HNF4G: variants seen among roughly 807,000 people sequenced by gnomAD.
HNF4G encodes the protein hepatocyte nuclear factor 4 gamma, also known as hepatocyte nuclear factor 4-gamma.
In HNF4G, 21 loss-of-function variants were observed where a neutral mutation model predicts 50.9. The ratio of observed to expected loss-of-function variants is 0.41; its 90% CI spans 0.29 to 0.59. The LOEUF is 0.59. HNF4G is among the 20% of genes least tolerant of loss of function. HNF4G has a pLI of 0.26. For missense variants in HNF4G, 527 were observed against 559.4 expected (o/e 0.94, Z 0.58); for synonymous variants, 198 against 185.6 (o/e 1.07, Z -0.54).
chr8:75,538,725 G>A (rs1806534211), upstream of HNF4G, among the ~76,000 whole-genome samples: 1 of 152,126 alleles, frequency 6.6e-6, no homozygotes, highest in African/African-American at 2.4e-5. Flanking sequence ...GAATATGAGG[G>A]CAAGAGGACT....
intron 1 of HNF4G, among the ~76,000 whole-genome samples, chr8:75,461,227 G>A (rs1310114513): frequency 6.6e-6 from 1 of 152,108 alleles, no homozygotes; most frequent in Non-Finnish European, 1.5e-5. Context: ...TAAAATCAAG[G>A]TGTCAACAGG....
chr8:75,479,659 A>AT (rs1812326903), intron 1 of HNF4G, among the ~76,000 whole-genome samples: 1 of 151,882 alleles, frequency 6.6e-6, no homozygotes, highest in African/African-American at 2.4e-5. Flanking sequence ...TTGAACAAAC[A>AT]TTTTTTAAAA....
chr8:75,564,180 C>T lies in HNF4G; in HGVS notation c.*84C>T, dbSNP rs984255510. The T allele has an allele frequency of 5.6e-6, 8 of 1,423,544 alleles. No homozygotes were observed. Among genetic ancestry groups the T allele is most frequent in the Non-Finnish European group, 7.8e-6 (8 of 1,032,118 alleles). The allele number at this position is 1,423,544 out of a possible 1,614,324, so 88.2% of individuals were successfully genotyped here. A position where few individuals can be genotyped will look rare whatever the true frequency, so the allele number is the denominator to read the frequency against. On this transcript the variant is annotated 3_prime_UTR_variant, in exon 10 of 10. Coordinates refer to ENST00000396423, the MANE Select transcript of HNF4G (RefSeq NM_004133.5). Reference sequence around the variant, plus strand: ...ATCTCAGGATAGCACTTTTGGCAAACTCTTAGCCAAGGCTTCTTCATTGGT... The same window carrying T: ...ATCTCAGGATAGCACTTTTGGCAAATTCTTAGCCAAGGCTTCTTCATTGGT...
upstream of HNF4G, among the ~76,000 whole-genome samples, chr8:75,538,267 C>T (rs1026378078): frequency 2.6e-5 from 4 of 152,158 alleles, no homozygotes; most frequent in Admixed American, 1.3e-4. Context: ...CCATCTGTAG[C>T]CCCTTTCACC....
intron 2 of HNF4G, among the ~76,000 whole-genome samples, chr8:75,492,516 T>C (rs1812655832): frequency 6.6e-6 from 1 of 152,210 alleles, no homozygotes; most frequent in South Asian, 2.1e-4. Flanking sequence ...ATTTCACATA[T>C]GTGTCCCATT....
chr8:75,441,218 T>C (rs1047929103), intron 1 of HNF4G, among the ~76,000 whole-genome samples: 4 of 152,088 alleles, frequency 2.6e-5, no homozygotes. Flanking sequence ...ATTTTTAATT[T>C]TTAATTTCTT....
chr8:75,538,933 A>C (rs1173137276), upstream of HNF4G, among the ~76,000 whole-genome samples: 2 of 152,244 alleles, frequency 1.3e-5, no homozygotes, highest in African/African-American at 4.8e-5. Context: ...TCTTTAACAA[A>C]TGTGGAAAAG....
Position 75,547,695 on chromosome 8 carries a change from TGATGA to T in HNF4G, c.382+15_382+19del. On this transcript the variant is annotated intron_variant, in intron 3 of 9. Transcript: ENST00000396423. ...TGAAAAAAGAAGGTAATAATAATGA[TGATGA>T]TAATTAACATTATTGATGAAAAGTG... 2 of 1,392,906 alleles carry T rather than the reference TGATGA, an allele frequency of 1.4e-6. No homozygotes were observed. The highest frequency in any genetic ancestry group is 2.0e-6 in the Non-Finnish European group (2 of 978,746). The allele number at this position is 1,392,906 out of a possible 1,614,324, so 86.3% of individuals were successfully genotyped here. A position where few individuals can be genotyped will look rare whatever the true frequency, so the allele number is the denominator to read the frequency against.
rs560608572 is a variant in HNF4G, at chr8:75,410,514, CT to C, written c.-144+2353del. Reference sequence around the variant, plus strand: ...TCTTATTCTGAGCTTGTAAAAGAATCTACCGCATTTGTTACTAACTATCCAT... The same window carrying C: ...TCTTATTCTGAGCTTGTAAAAGAATCACCGCATTTGTTACTAACTATCCAT... On this transcript the variant is annotated intron_variant, in intron 1 of 10. Coordinates refer to the HNF4G transcript ENST00000354370. Among the ~76,000 whole-genome samples the C allele has an allele frequency of 5.9e-5, 9 of 152,234 alleles. No individual in the cohort carries two copies. The East Asian group carries it at 1.7e-3, about 29-fold the overall frequency.
chr8:75,539,831 C>A (rs186489146), upstream of HNF4G: 13 of 585,568 alleles, frequency 2.2e-5, no homozygotes, highest in East Asian at 3.5e-4. Context: ...CAGCCCCTCC[C>A]ATTGCAGCTC....
At chr8:75,439,343 T>C (rs1323926503) in intron 1 of HNF4G, among the ~76,000 whole-genome samples, 1 of 152,066 alleles carries the variant, frequency 6.6e-6, no homozygotes. Context: ...ATGAATTTTT[T>C]ACATGTCTGC....
At chr8:75,433,919 T>A (rs1379514754) in intron 1 of HNF4G, among the ~76,000 whole-genome samples, 1 of 151,842 alleles carries the variant, frequency 6.6e-6, no homozygotes, top group Non-Finnish European at 1.5e-5. Context: ...TTAGCACAGT[T>A]AAGATAGGAT....
At chr8:75,543,351 G>A (rs1227493829) in intron 1 of HNF4G, among the ~76,000 whole-genome samples, 1 of 152,150 alleles carries the variant, frequency 6.6e-6, no homozygotes, top group African/African-American at 2.4e-5. Flanking sequence ...ACTGATACAG[G>A]GGAGACTGAA....
intron 2 of HNF4G, among the ~76,000 whole-genome samples, chr8:75,526,651 A>C (rs1462321790): frequency 1.3e-5 from 2 of 151,532 alleles, no homozygotes; most frequent in Non-Finnish European, 2.9e-5. Context: ...CTTCCACCTC[A>C]AGCCTCCCAA....
At chr8:75,555,814 C>T (rs1807101037) in intron 5 of HNF4G, among the ~76,000 whole-genome samples, 168 bp from the exon 6 acceptor site, 1 of 151,102 alleles carries the variant, frequency 6.6e-6, no homozygotes, top group Admixed American at 6.6e-5. Flanking sequence ...TATTGACATG[C>T]TATGATAGAA....
intron 1 of HNF4G, among the ~76,000 whole-genome samples, chr8:75,415,024 A>T (rs950829613): frequency 1.7e-4 from 26 of 152,350 alleles, no homozygotes; most frequent in African/African-American, 6.0e-4. Context: ...TTACAGCCTA[A>T]CCAACACTTG....
At chr8:75,416,994 A>G (rs1810652716) in intron 1 of HNF4G, among the ~76,000 whole-genome samples, 1 of 152,224 alleles carries the variant, frequency 6.6e-6, no homozygotes, top group Non-Finnish European at 1.5e-5. Context: ...AGGTGGATGT[A>G]CTTAATAAAT....
intron 6 of HNF4G, among the ~76,000 whole-genome samples, chr8:75,556,716 C>T (rs1377887837): frequency 1.3e-5 from 2 of 152,166 alleles, no homozygotes; most frequent in Non-Finnish European, 2.9e-5. Flanking sequence ...CTGACACTTA[C>T]TAGCTCTACC....
intron 2 of HNF4G, among the ~76,000 whole-genome samples, chr8:75,500,333 C>T (rs1441528651): frequency 2.0e-5 from 3 of 152,078 alleles, no homozygotes; most frequent in African/African-American, 7.2e-5. Context: ...GCTTTACATC[C>T]CCCACAATGG....
Sources: gnomAD v4.1 joint callset for allele counts (sites outside exome capture counted in the v4.1 genomes callset) on GRCh38, gnomAD v4.1.1 for gene constraint, MANE v1.5 for transcripts, NCBI Gene and HGNC (gene_info 2026-07-23, HGNC 2026-07-21) for gene names.